Variants in ZRANB3 observed in about 807,000 individuals in gnomAD.
The protein encoded by ZRANB3 is zinc finger RANBP2-type containing 3.
ZRANB3 carries 125 observed loss-of-function variants against 133.8 expected under a neutral mutation model. The ratio of observed to expected loss-of-function variants is 0.93; its 90% confidence interval spans 0.81 to 1.08. The LOEUF is 1.08. Among genes scored for constraint, ZRANB3 ranks in the 50% least tolerant of loss-of-function variants. ZRANB3 has a pLI of 0.00. For synonymous variants in ZRANB3, 387 were observed against 432.7 expected, an observed-to-expected ratio of 0.89 and a Z score of 1.31; for missense variants, 1,229 against 1,275.5, an observed-to-expected ratio of 0.96 and a Z score of 0.56.
intron 3 of ZRANB3, among the ~76,000 whole-genome samples, chr2:135,367,638 T>C (rs1012975197): frequency 1.3e-5 from 2 of 152,208 alleles, no homozygotes; most frequent in African/African-American, 2.4e-5. Flanking sequence ...TAGAGTTTCC[T>C]GGGTCTAAAC....
intron 17 of ZRANB3, among the ~76,000 whole-genome samples, chr2:135,216,038 A>G (rs1485653249): frequency 1.3e-5 from 2 of 152,100 alleles, no homozygotes; most frequent in Admixed American, 6.5e-5. Context: ...GACAATTTCT[A>G]TGTCAGTAAT....
chr2:135,374,013 T>C (rs1686305726), intron 3 of ZRANB3, among the ~76,000 whole-genome samples: 1 of 152,094 alleles, frequency 6.6e-6, no homozygotes, highest in Non-Finnish European at 1.5e-5. Context: ...ACTGGTCCAG[T>C]GTGATGTAAA....
In ZRANB3 at chr2:135,492,022, A is replaced by C. The variant is rs75423803; in HGVS notation, c.161+12307T>G. On this transcript the variant is annotated intron_variant, in intron 2 of 20. Transcript: ENST00000264159. ...TATATTACACAAAACATTAGTTATAAAGATAACCAGTGGATTCCAAACCAA... is the reference window on the plus strand; with the variant it reads ...TATATTACACAAAACATTAGTTATACAGATAACCAGTGGATTCCAAACCAA... Among the ~76,000 whole-genome samples, 1,493 of 152,326 alleles carry C rather than the reference A, an allele frequency of 9.8e-3. 22 individuals are homozygous for C. The highest frequency in any genetic ancestry group is 0.034 in the African/African-American group (1,424 of 41,568).
intron 10 of ZRANB3, among the ~76,000 whole-genome samples, chr2:135,270,073 C>T (rs1269087265): frequency 6.6e-6 from 1 of 151,880 alleles, no homozygotes; most frequent in Non-Finnish European, 1.5e-5. Context: ...AATGGTGGTA[C>T]TAGTTCTCAA....
chr2:135,230,767 T>A lies in ZRANB3; in HGVS notation c.1700A>T (p.Tyr567Phe). The A allele has an allele frequency of 6.2e-7, 1 of 1,613,884 alleles. No homozygotes were observed. Among genetic ancestry groups the A allele is most frequent in the Non-Finnish European group, 8.5e-7 (1 of 1,179,876 alleles). Residue 567 changes from tyrosine to phenylalanine, a missense_variant, in exon 13 of 21, where the codon TAT becomes TTT. Physicochemically the swap from Tyr to Phe is conservative, Grantham distance 22. Transcript: ENST00000264159. ...CGTTTCAGGTTCAACATCACTTTCA[T>A]AATCGATGATATCTCTTGCAGCTGT... ...TKTAARDIID[Y>F]ESDVEPETKR...
intron 12 of ZRANB3, among the ~76,000 whole-genome samples, chr2:135,252,216 G>A (rs1393172920): frequency 6.6e-6 from 1 of 152,090 alleles, no homozygotes; most frequent in Non-Finnish European, 1.5e-5. Context: ...GCATGAGGAA[G>A]AAGAGCAAAA....
intron 12 of ZRANB3, among the ~76,000 whole-genome samples, chr2:135,263,371 A>AT (rs930216295): frequency 6.6e-6 from 1 of 152,122 alleles, no homozygotes; most frequent in Non-Finnish European, 1.5e-5. Context: ...GGTTGTTTCC[A>AT]TTTTTTTGCA....
At chr2:135,527,572 T>C (rs1160668434) in intron 1 of ZRANB3, among the ~76,000 whole-genome samples, 1 of 151,488 alleles carries the variant, frequency 6.6e-6, no homozygotes, top group African/African-American at 2.4e-5. Context: ...AAAAAAAAGA[T>C]GGTTAAGATG....
At chr2:135,530,876 A>T (rs1694546201) in intron 1 of ZRANB3, 1 of 152,154 alleles carries the variant, frequency 6.6e-6, no homozygotes, top group Non-Finnish European at 1.5e-5. Flanking sequence ...TGAACGGAGG[A>T]GAAGTTATGA....
In ZRANB3 at chr2:135,271,810, AG is replaced by A. The variant is rs559516352; in HGVS notation, c.1163del (p.Pro388LeufsTer8). 1.2e-4 allele frequency: 194 copies of A among 1,613,828 alleles called. 3 individuals are homozygous for A. In the South Asian group the frequency reaches 2.0e-3, roughly 17 times the overall value. On this transcript the variant is annotated frameshift_variant, in exon 10 of 21. Coordinates refer to ENST00000264159, the MANE Select transcript of ZRANB3 (RefSeq NM_032143.4). LOFTEE classifies it high-confidence loss of function. ...TGCTTAGGATAGCCACGCGAGTGTC[AG>A]GATCCTTTTGAAACTGATTAACCAG... ...IHLVNQFQKD[P>X]DTRVAILSIQ...
At chr2:135,301,146 G>A (rs1257614439) in intron 8 of ZRANB3, among the ~76,000 whole-genome samples, 1 of 151,900 alleles carries the variant, frequency 6.6e-6, no homozygotes, top group African/African-American at 2.4e-5. Flanking sequence ...AAGTAGCTGG[G>A]AGTACAGGCA....
intron 1 of ZRANB3, among the ~76,000 whole-genome samples, chr2:135,529,071 T>C (rs1559057245): frequency 6.6e-6 from 1 of 152,248 alleles, no homozygotes; most frequent in Non-Finnish European, 1.5e-5. Context: ...TTTTAGGCAC[T>C]GCTCTACCCA....
At chr2:135,331,131 C>G (rs1684119059) in intron 6 of ZRANB3, among the ~76,000 whole-genome samples, 1 of 152,118 alleles carries the variant, frequency 6.6e-6, no homozygotes, top group African/African-American at 2.4e-5. Context: ...TCTTGCTTCT[C>G]TAGTTCTTTT....
chr2:135,439,953 T>C (rs1397113212), intron 2 of ZRANB3, among the ~76,000 whole-genome samples: 2 of 152,336 alleles, frequency 1.3e-5, no homozygotes, highest in Admixed American at 6.5e-5. Flanking sequence ...ATTTATGTTA[T>C]ATTCTAGAAC....
In ZRANB3 at chr2:135,313,538, G is replaced by T; in HGVS notation, c.917C>A (p.Thr306Lys). 1 of 1,613,744 alleles carries T rather than the reference G, an allele frequency of 6.2e-7. No homozygotes were observed. Among genetic ancestry groups the T allele is most frequent in the Non-Finnish European group, 8.5e-7 (1 of 1,179,756 alleles). ...CATGCGAGTTATCAACCCCATGACT[G>T]TCTCCATGGCACCTGAATTTGGAGT... ...MRTPNSGAME[T>K]VMGLITRMFK... The change falls in exon 8 of 21, where the codon ACA becomes AAA. Residue 306 changes from threonine to lysine, a missense_variant. By Grantham distance (78) the Thr-to-Lys change is moderately conservative. Coordinates refer to ENST00000264159, the MANE Select transcript of ZRANB3 (RefSeq NM_032143.4).
chr2:135,232,888 TCTC>T (rs1168867577), intron 12 of ZRANB3, among the ~76,000 whole-genome samples: 1 of 152,066 alleles, frequency 6.6e-6, no homozygotes, highest in African/African-American at 2.4e-5. Context: ...TCAGGGTGCC[TCTC>T]CTCCTCCAAA....
chr2:135,374,179 G>C (rs1418372424), intron 3 of ZRANB3, among the ~76,000 whole-genome samples: 2 of 152,144 alleles, frequency 1.3e-5, no homozygotes, highest in Non-Finnish European at 2.9e-5. Context: ...GGCCAAGGTG[G>C]GCGGATCACC....
intron 3 of ZRANB3, among the ~76,000 whole-genome samples, chr2:135,388,983 C>T (rs1227699110): frequency 1.3e-5 from 2 of 152,130 alleles, no homozygotes; most frequent in African/African-American, 4.8e-5. Flanking sequence ...GAGGCTGAGG[C>T]AGGAGAATGG....
In ZRANB3 at chr2:135,323,839, C is replaced by T. The variant is rs193223064; in HGVS notation, c.678-8309G>A. 1.2e-4 allele frequency among the ~76,000 whole-genome samples: 19 copies of T among 152,120 alleles called. No homozygotes were observed. In the East Asian group the frequency reaches 3.3e-3, roughly 26 times the overall value. Reference sequence around the variant, plus strand: ...CTGGAGTGCAGTGGTTCGATCTCGGCTCACTGCAACCTCTGCCTCCTGGGT... The same window carrying T: ...CTGGAGTGCAGTGGTTCGATCTCGGTTCACTGCAACCTCTGCCTCCTGGGT... On this transcript the variant is annotated intron_variant, in intron 6 of 20. Coordinates refer to ENST00000264159, the MANE Select transcript of ZRANB3 (RefSeq NM_032143.4).
Sources: allele counts gnomAD v4.1 joint callset (sites outside exome capture counted in the v4.1 genomes callset), GRCh38; gene constraint gnomAD v4.1.1; transcripts MANE v1.5; gene names NCBI Gene and HGNC (gene_info 2026-07-23, HGNC 2026-07-21).